Variants in RELCH observed in about 807,000 individuals in gnomAD.
RELCH encodes the protein RAB11-binding protein RELCH.
A neutral mutation model predicts 150.3 loss-of-function variants in RELCH; 41 were observed. The observed-to-expected ratio is 0.27, with a 90% CI of 0.21 to 0.35. The LOEUF (loss-of-function observed/expected upper bound fraction) is 0.35, where lower values mean the gene tolerates loss of function less well. Among genes scored for constraint, RELCH ranks in the 10% least tolerant of loss-of-function variants. The pLI, the probability that RELCH is intolerant of heterozygous loss-of-function variation, is 1.00. For synonymous variants in RELCH, 478 were observed against 531.8 expected (o/e 0.90, Z 1.39); for missense variants, 1,092 against 1,467.8 (o/e 0.74, Z 4.18).
At chr18:62,247,194 G>A (rs888086235) in intron 11 of RELCH, 28 of 152,022 alleles carry the variant, frequency 1.8e-4, no homozygotes, top group African/African-American at 6.5e-4. Flanking sequence ...TTAGTCTATA[G>A]AAACCAAAAT....
chr18:62,219,325 C>CTTTTTTTTTTTTTTTTATTTTTTT, intron 2 of RELCH, among the ~76,000 whole-genome samples: 1 of 112,878 alleles, frequency 8.9e-6, no homozygotes, highest in Non-Finnish European at 1.8e-5. Context: ...TTCTTTTTTT[C>CTTTTTTTTTTTTTTTTATTTTTTT]TTTTTTTTTT....
intron 10 of RELCH, among the ~76,000 whole-genome samples, chr18:62,233,666 G>T (rs558417309): frequency 6.6e-6 from 1 of 152,068 alleles, no homozygotes; most frequent in South Asian, 2.1e-4. Flanking sequence ...TGGCAGAATG[G>T]TGTTTGAGCT....
chr18:62,220,435 G>A (rs1599885107), intron 2 of RELCH, among the ~76,000 whole-genome samples: 1 of 130,412 alleles, frequency 7.7e-6, no homozygotes, highest in Non-Finnish European at 1.6e-5. Flanking sequence ...ACTCTTGTTT[G>A]TAGAAAAATG....
At position 62,187,919 on chromosome 18, in the gene RELCH, G is replaced by A. The variant is rs186593975; in HGVS notation, c.414G>A (p.Glu138=). Residue 138 remains glutamate (E), a synonymous_variant, in exon 1 of 29, where the codon GAG becomes GAA. Transcript: ENST00000644646. The stretch of plus-strand genomic sequence containing the variant: ...ACTTCTCCAATCCAGGCAACTTCGA[G>A]AGGCAAAGTGGAACCCCGCCGGGGA... The part of the protein sequence containing the change: ...RDYFSNPGNF[E]RQSGTPPGMG... 287 of 1,596,578 alleles carry A rather than the reference G, an allele frequency of 1.8e-4. 1 individual carries two copies. In the African/African-American group the frequency reaches 3.4e-3, roughly 19 times the overall value.
intron 28 of RELCH, among the ~76,000 whole-genome samples, chr18:62,302,473 G>A (rs986135753): frequency 2.6e-5 from 4 of 151,974 alleles, no homozygotes; most frequent in Non-Finnish European, 4.4e-5. Flanking sequence ...AGAAATAGAA[G>A]GCAAACCAGA....
At chr18:62,288,703 C>A (rs138135371) in intron 26 of RELCH, among the ~76,000 whole-genome samples, 10 of 152,220 alleles carry the variant, frequency 6.6e-5, no homozygotes, top group African/African-American at 2.2e-4. Flanking sequence ...CTATTCATGT[C>A]TTCTATAAGT....
chr18:62,281,115 C>T (rs554870326), intron 24 of RELCH, among the ~76,000 whole-genome samples: 4 of 152,262 alleles, frequency 2.6e-5, no homozygotes, highest in African/African-American at 9.6e-5. Flanking sequence ...AGAACAACAA[C>T]AAAATAAGGT....
chr18:62,227,147 T>C, intron 5 of RELCH, 142 bp from the exon 6 acceptor site: 1 of 606,178 alleles, frequency 1.6e-6, no homozygotes, highest in Non-Finnish European at 2.9e-6. Flanking sequence ...GAGCCATCTA[T>C]GATTGTGCCA....
rs368406593 is a variant in RELCH, at chr18:62,298,816, A to G, written c.3486A>G (p.Glu1162=). The G allele has an allele frequency of 6.3e-6, 10 of 1,586,516 alleles. No homozygotes were observed. Among genetic ancestry groups the G allele is most frequent in the Non-Finnish European group, 7.8e-6 (9 of 1,158,512 alleles). ...TTATTTTAAGTTCCATGATAAAAGA[A>G]TGTGAACAAAAAGTTGAAAACAAGA... is the stretch of plus-strand genomic sequence containing the variant. The part of the protein sequence containing the change: ...HEVILSSMIK[E]CEQKVENKTV... Residue 1162 remains glutamate (E), a synonymous_variant, in exon 28 of 29, where the codon GAA becomes GAG. Coordinates refer to ENST00000644646, the MANE Select transcript of RELCH (RefSeq NM_001346231.2).
At chr18:62,199,884 T>C (rs1320206710) in intron 1 of RELCH, among the ~76,000 whole-genome samples, 1 of 152,218 alleles carries the variant, frequency 6.6e-6, no homozygotes, top group Non-Finnish European at 1.5e-5. Context: ...AATGACTCCT[T>C]TAGCACAGGG....
Position 62,298,841 on chromosome 18 carries a change from A to G in RELCH, c.3511A>G (p.Thr1171Ala), listed in dbSNP as rs1418106522. The change falls in exon 28 of 29, where the codon ACC (threonine) becomes GCC (alanine). Residue 1171 changes from threonine to alanine, a missense_variant. This residue lies in a region of RELCH where 707 missense variants were observed against 1,025.4 expected (regional missense o/e 0.69). Coordinates refer to ENST00000644646, the MANE Select transcript of RELCH (RefSeq NM_001346231.2). ...ATGTGAACAAAAAGTTGAAAACAAG[A>G]CCGTCCAAGAGCCTCAAGGGTAAGA... ...KECEQKVENKTVQEPQGSMSI... is the reference protein window; with the variant it reads ...KECEQKVENKAVQEPQGSMSI... 1 of 1,584,324 alleles carries G rather than the reference A, an allele frequency of 6.3e-7. No homozygotes were observed. Among genetic ancestry groups the G allele is most frequent in the East Asian group, 2.2e-5 (1 of 44,630 alleles).
intron 15 of RELCH, among the ~76,000 whole-genome samples, chr18:62,259,975 G>A (rs1050776888): frequency 4.0e-5 from 6 of 151,700 alleles, no homozygotes; most frequent in South Asian, 2.1e-4. Context: ...GTTTCAGTAC[G>A]TTGGTCTGAG....
At chr18:62,233,574 T>C (rs1488547850) in intron 10 of RELCH, among the ~76,000 whole-genome samples, 4 of 151,966 alleles carry the variant, frequency 2.6e-5, no homozygotes, top group Non-Finnish European at 4.4e-5. Flanking sequence ...TTTAAAATAG[T>C]CATAAGATAT....
At chr18:62,270,014 C>T (rs2043804675) in intron 20 of RELCH, among the ~76,000 whole-genome samples, 1 of 152,178 alleles carries the variant, frequency 6.6e-6, no homozygotes, top group South Asian at 2.1e-4. Context: ...GCTCATGATT[C>T]TGCAATCTGG....
In RELCH at chr18:62,188,955, T is replaced by C. The variant is rs148263705; in HGVS notation, c.526+924T>C. Among the ~76,000 whole-genome samples, 343 of 152,336 alleles carry C rather than the reference T, an allele frequency of 2.3e-3. 4 individuals are homozygous for C. Among genetic ancestry groups the C allele is most frequent in the African/African-American group, 7.9e-3 (328 of 41,578 alleles). On this transcript the variant is annotated intron_variant, in intron 1 of 28. Transcript: ENST00000644646. ...AATTCTATATTAACAAGTATTCATA[T>C]AGAATTTTTAAACTGCAGCCTAATT...
At chr18:62,269,095 C>G in intron 20 of RELCH, 147 bp downstream of exon 20, 2 of 424,460 alleles carry the variant, frequency 4.7e-6, no homozygotes, top group Middle Eastern at 6.6e-4. Context: ...TAATGGATAG[C>G]ATATTTGAAT....
Position 62,279,838 on chromosome 18 carries a change from T to C in RELCH, c.3032T>C (p.Leu1011Pro), listed in dbSNP as rs1465936941. ...AGGGTTGTTCCTGCTCTCATTACTC[T>C]CTCCAGTGACCCTGAAATGTAAGTG... is the stretch of plus-strand genomic sequence containing the variant. Reference protein sequence around the residue: ...AQRVVPALITLSSDPEISVRI... With the variant: ...AQRVVPALITPSSDPEISVRI... The change falls in exon 23 of 29, where the codon CTC becomes CCC. Residue 1011 changes from leucine to proline, a missense_variant. Leu to Pro is a moderately conservative substitution (Grantham distance 98, BLOSUM62 -3). This residue lies in a region of RELCH where 707 missense variants were observed against 1,025.4 expected (regional missense o/e 0.69). Transcript: ENST00000644646. The C allele has an allele frequency of 6.5e-7, 1 of 1,534,944 alleles. No homozygotes were observed. Among genetic ancestry groups the C allele is most frequent in the Admixed American group, 2.0e-5 (1 of 50,960 alleles).
intron 15 of RELCH, among the ~76,000 whole-genome samples, chr18:62,260,341 G>A (rs956695900): frequency 6.7e-6 from 1 of 148,812 alleles, no homozygotes; most frequent in Admixed American, 6.7e-5. Flanking sequence ...GAAGTATCAT[G>A]TCACCCCAGT....
At chr18:62,237,969 C>T (rs986856558) in intron 10 of RELCH, among the ~76,000 whole-genome samples, 1 of 151,680 alleles carries the variant, frequency 6.6e-6, no homozygotes, top group Non-Finnish European at 1.5e-5. Flanking sequence ...CTTCAGGTTA[C>T]AATTATAATA....
Sources: gnomAD v4.1 joint callset for allele counts (sites outside exome capture counted in the v4.1 genomes callset) on GRCh38, gnomAD v4.1.1 for gene constraint, gnomAD v4.1.1 regional missense constraint, MANE v1.5 for transcripts, NCBI Gene and HGNC (gene_info 2026-07-23, HGNC 2026-07-21) for gene names.